NALF1: variants seen among roughly 807,000 people sequenced by gnomAD.
The protein encoded by NALF1 is NALCN channel auxiliary factor 1, also known as family with sequence similarity 155 member A.
Under a neutral mutation model 48.4 loss-of-function variants are expected in NALF1, and 3 were observed. The observed-to-expected ratio is 0.06, with a 90% CI of 0.03 to 0.16. NALF1 has a LOEUF of 0.16. Among genes scored for constraint, NALF1 ranks in the 10% least tolerant of loss-of-function variants. The pLI is 1.00. For synonymous variants in NALF1, 262 were observed against 245.7 expected (o/e 1.07, Z -0.62); for missense variants, 526 against 571.5 (o/e 0.92, Z 0.81).
intron 1 of NALF1, among the ~76,000 whole-genome samples, chr13:107,381,447 C>T (rs2138974329): frequency 6.6e-6 from 1 of 152,174 alleles, no homozygotes; most frequent in South Asian, 2.1e-4. Flanking sequence ...ATCCTCTCAC[C>T]TTGGCCCCCC....
chr13:107,564,053 G>A (rs1321989472), intron 1 of NALF1, among the ~76,000 whole-genome samples: 2 of 152,118 alleles, frequency 1.3e-5, no homozygotes, highest in African/African-American at 4.8e-5. Flanking sequence ...AAACTTTCAT[G>A]GTTCTTAGCA....
At chr13:107,629,142 T>C (rs183229353) in intron 1 of NALF1, among the ~76,000 whole-genome samples, 1 of 152,326 alleles carries the variant, frequency 6.6e-6, no homozygotes, top group African/African-American at 2.4e-5. Context: ...TCTGGACATA[T>C]AATTGAAGGC....
chr13:107,360,135 G>A (rs897269924), intron 1 of NALF1, among the ~76,000 whole-genome samples: 5 of 152,068 alleles, frequency 3.3e-5, no homozygotes, highest in Non-Finnish European at 4.4e-5. Flanking sequence ...CACTAACAAA[G>A]AGAAAATAAA....
At chr13:107,759,161 T>C (rs1011511620) in intron 1 of NALF1, among the ~76,000 whole-genome samples, 1 of 152,172 alleles carries the variant, frequency 6.6e-6, no homozygotes, top group African/African-American at 2.4e-5. Flanking sequence ...TTTAAGGATA[T>C]CCCTGTATCT....
chr13:107,288,702 T>C (rs1219151067), intron 1 of NALF1, among the ~76,000 whole-genome samples: 1 of 151,406 alleles, frequency 6.6e-6, no homozygotes, highest in African/African-American at 2.4e-5. Flanking sequence ...CGGCTAATTT[T>C]TTCTAGTTTT....
At chr13:107,653,893 T>C (rs1242976405) in intron 1 of NALF1, among the ~76,000 whole-genome samples, 1 of 152,028 alleles carries the variant, frequency 6.6e-6, no homozygotes, top group African/African-American at 2.4e-5. Flanking sequence ...TCCTCAAAAA[T>C]ATCTTCTTTC....
chr13:107,625,403 A>T (rs1879642419), intron 1 of NALF1, among the ~76,000 whole-genome samples: 1 of 152,138 alleles, frequency 6.6e-6, no homozygotes, highest in African/African-American at 2.4e-5. Context: ...GTCTTAAGTG[A>T]TAAACTATTT....
At chr13:107,716,054 A>G (rs1875807623) in intron 1 of NALF1, among the ~76,000 whole-genome samples, 1 of 152,144 alleles carries the variant, frequency 6.6e-6, no homozygotes, top group South Asian at 2.1e-4. Flanking sequence ...TGTTAAACTT[A>G]GGGTGTCCAT....
At chr13:107,571,756 T>C (rs1877992357) in intron 1 of NALF1, among the ~76,000 whole-genome samples, 1 of 152,136 alleles carries the variant, frequency 6.6e-6, no homozygotes, top group South Asian at 2.1e-4. Context: ...TAACTCCAGG[T>C]AGCTACTATT....
At chr13:107,280,744 G>A (rs7997236) in intron 1 of NALF1, among the ~76,000 whole-genome samples, 9,500 of 152,064 alleles carry the variant, frequency 0.062, 483 homozygotes, top group African/African-American at 0.12. Flanking sequence ...CTAATTAAAC[G>A]GCAAATAGTC....
At position 107,783,414 on chromosome 13, in the gene NALF1, A is replaced by C. The variant is rs939097687; in HGVS notation, c.915+82268T>G. Among the ~76,000 whole-genome samples the C allele has an allele frequency of 6.8e-4, 104 of 152,262 alleles. 1 individual carries two copies. In the South Asian group the frequency reaches 0.016, roughly 24 times the overall value. Reference sequence around the variant, plus strand: ...ATGATGACAATGGTGGTTTTGTGGAATAGAAAGCGGGGAAAGGCAGGGAAA... The same window carrying C: ...ATGATGACAATGGTGGTTTTGTGGACTAGAAAGCGGGGAAAGGCAGGGAAA... On this transcript the variant is annotated intron_variant, in intron 1 of 2. Coordinates refer to ENST00000375915, the MANE Select transcript of NALF1 (RefSeq NM_001080396.3).
At chr13:107,505,404 A>G (rs541435594) in intron 1 of NALF1, among the ~76,000 whole-genome samples, 1 of 152,120 alleles carries the variant, frequency 6.6e-6, no homozygotes, top group African/African-American at 2.4e-5. Context: ...TACATAGTCT[A>G]TTTTGTGGTT....
At chr13:107,725,686 C>CA (rs1262849129) in intron 1 of NALF1, among the ~76,000 whole-genome samples, 6,348 of 95,688 alleles carry the variant, frequency 0.066, 365 homozygotes, top group African/African-American at 0.17. Flanking sequence ...CTCTGTCTCT[C>CA]AAAAAAAAAA....
At chr13:107,365,512 C>T (rs185497487) in intron 1 of NALF1, among the ~76,000 whole-genome samples, 11 of 152,226 alleles carry the variant, frequency 7.2e-5, no homozygotes, top group Admixed American at 5.9e-4. Context: ...CATGGAAAAA[C>T]GTGCAGAAGC....
chr13:107,516,043 T>G (rs1876039226), intron 1 of NALF1, among the ~76,000 whole-genome samples: 1 of 152,208 alleles, frequency 6.6e-6, no homozygotes, highest in Non-Finnish European at 1.5e-5. Flanking sequence ...ACTAACTCAG[T>G]GGTTCTGATA....
chr13:107,174,880 T>A (rs1878886258), intron 2 of NALF1, among the ~76,000 whole-genome samples: 1 of 150,758 alleles, frequency 6.6e-6, no homozygotes, highest in Admixed American at 6.6e-5. Flanking sequence ...CAATCTTTTC[T>A]TTTTCTTTTT....
intron 1 of NALF1, among the ~76,000 whole-genome samples, chr13:107,630,426 A>AC (rs1410458053): frequency 1.3e-5 from 2 of 151,190 alleles, no homozygotes; most frequent in Non-Finnish European, 2.9e-5. Context: ...CTCAAATATC[A>AC]CCCCCCGTCC....
intron 1 of NALF1, among the ~76,000 whole-genome samples, chr13:107,328,806 A>C: frequency 6.6e-6 from 1 of 152,224 alleles, no homozygotes; most frequent in East Asian, 1.9e-4. Flanking sequence ...AGGCTCAACC[A>C]CAGAGTGGTG....
intron 1 of NALF1, among the ~76,000 whole-genome samples, chr13:107,572,459 G>A (rs1277636621): frequency 6.6e-6 from 1 of 152,124 alleles, no homozygotes; most frequent in East Asian, 1.9e-4. Context: ...ACCCCTGTGG[G>A]AATTGGGGCT....
Sources: allele counts gnomAD v4.1 joint callset (sites outside exome capture counted in the v4.1 genomes callset), GRCh38; gene constraint gnomAD v4.1.1; transcripts MANE v1.5; gene names NCBI Gene and HGNC (gene_info 2026-07-23, HGNC 2026-07-21).